The following CATSPERT variants were observed in gnomAD, a reference collection of about 807,000 sequenced individuals.
CATSPERT encodes the protein cation channel sperm-associated targeting subunit tau.
At chr2:201,491,906 T>A in the CATSPERT span, 1 of 1,536,924 alleles carries the variant, frequency 6.5e-7, no homozygotes, top group South Asian at 1.2e-5. Flanking sequence ...TGTTCTTTCC[T>A]TAGTTTCTTA....
the CATSPERT span, chr2:201,494,029 G>A: frequency 5.2e-6 from 8 of 1,535,700 alleles, no homozygotes; most frequent in Non-Finnish European, 7.0e-6. Context: ...TGAATCTGCA[G>A]GAATATTTTC....
chr2:201,506,959 A>G, the CATSPERT span, among the ~76,000 whole-genome samples: 2 of 152,238 alleles, frequency 1.3e-5, no homozygotes, highest in Non-Finnish European at 1.5e-5. Flanking sequence ...TGAGACACTA[A>G]TAGAATATTC....
the CATSPERT span, among the ~76,000 whole-genome samples, chr2:201,519,031 T>C: frequency 6.6e-6 from 1 of 152,190 alleles, no homozygotes; most frequent in Non-Finnish European, 1.5e-5. Flanking sequence ...CATTCAGATG[T>C]AGGAACAACC....
chr2:201,612,114 A>G, the CATSPERT span, among the ~76,000 whole-genome samples: 1 of 152,194 alleles, frequency 6.6e-6, no homozygotes, highest in Non-Finnish European at 1.5e-5. Flanking sequence ...TGTGCTAAGC[A>G]CTTTATATCA....
the CATSPERT span, among the ~76,000 whole-genome samples, chr2:201,507,882 G>C: frequency 6.6e-6 from 1 of 152,060 alleles, no homozygotes; most frequent in Non-Finnish European, 1.5e-5. Flanking sequence ...CAAGCAAAGG[G>C]GGAAGTGTCA....
chr2:201,562,360 T>C, the CATSPERT span, among the ~76,000 whole-genome samples: 1 of 151,588 alleles, frequency 6.6e-6, no homozygotes, highest in African/African-American at 2.4e-5. Flanking sequence ...GCTAATTTTT[T>C]GTATTTTTAG....
At chr2:201,589,910 GA>G in the CATSPERT span, among the ~76,000 whole-genome samples, 3 of 151,734 alleles carry the variant, frequency 2.0e-5, no homozygotes, top group East Asian at 5.8e-4. Flanking sequence ...AAATTTACAA[GA>G]AAAAAACAAA....
the CATSPERT span, chr2:201,553,979 C>T: frequency 2.6e-5 from 4 of 152,166 alleles, no homozygotes; most frequent in Admixed American, 2.0e-4. Context: ...GCATTCTAGA[C>T]TTAGGCCTAA....
chr2:201,565,830 T>A, the CATSPERT span: 1 of 1,611,598 alleles, frequency 6.2e-7, no homozygotes, highest in East Asian at 2.2e-5. Flanking sequence ...GGTCTGGGGA[T>A]AAGAATGCTG....
chr2:201,570,685 G>T, the CATSPERT span, among the ~76,000 whole-genome samples: 1 of 151,994 alleles, frequency 6.6e-6, no homozygotes, highest in South Asian at 2.1e-4. Flanking sequence ...TCTTGCCCCT[G>T]CCAACTCCTC....
chr2:201,491,683 C>A, the CATSPERT span: 2 of 1,537,050 alleles, frequency 1.3e-6, no homozygotes, highest in Non-Finnish European at 1.7e-6. Context: ...ATTAGGAATT[C>A]TTGGATACGA....
At chr2:201,490,148 C>T in the CATSPERT span, among the ~76,000 whole-genome samples, 81 of 152,240 alleles carry the variant, frequency 5.3e-4, 1 homozygote, top group Admixed American at 4.6e-3. Context: ...TGAGCCACCG[C>T]GCCTGGCCTC....
At chr2:201,526,724 T>C in the CATSPERT span, among the ~76,000 whole-genome samples, 1 of 152,138 alleles carries the variant, frequency 6.6e-6, no homozygotes, top group Non-Finnish European at 1.5e-5. Context: ...CATCCCTGCA[T>C]GTCAAAAACT....
chr2:201,561,417 T>G, the CATSPERT span, among the ~76,000 whole-genome samples: 1 of 152,172 alleles, frequency 6.6e-6, no homozygotes, highest in Non-Finnish European at 1.5e-5. Flanking sequence ...GTAGTTAACT[T>G]CTGGGAAACA....
At chr2:201,491,228 G>T in the CATSPERT span, 5 of 1,537,728 alleles carry the variant, frequency 3.3e-6, no homozygotes, top group East Asian at 1.2e-4. Context: ...TTCTTTAGGT[G>T]AATTCTTGTG....
At chr2:201,589,196 A>G in the CATSPERT span, among the ~76,000 whole-genome samples, 3 of 152,190 alleles carry the variant, frequency 2.0e-5, no homozygotes, top group Non-Finnish European at 4.4e-5. Context: ...AAATTTATAG[A>G]TTCAATGCTA....
the CATSPERT span, among the ~76,000 whole-genome samples, chr2:201,551,686 T>C: frequency 6.6e-6 from 1 of 152,128 alleles, no homozygotes; most frequent in East Asian, 1.9e-4. Context: ...ATGCATGTCA[T>C]TGTAAAAAGT....
At chr2:201,550,626 T>C in the CATSPERT span, 4 of 152,172 alleles carry the variant, frequency 2.6e-5, no homozygotes, top group Non-Finnish European at 4.4e-5. Flanking sequence ...ATTGCCTAAT[T>C]AGTAATCGAC....
the CATSPERT span, among the ~76,000 whole-genome samples, chr2:201,488,531 A>ATT: frequency 6.6e-6 from 1 of 152,258 alleles, no homozygotes; most frequent in East Asian, 1.9e-4. Flanking sequence ...GGAAGGATAT[A>ATT]TACCATAGTA....
Sources: allele counts gnomAD v4.1 joint callset (sites outside exome capture counted in the v4.1 genomes callset), GRCh38; gene constraint gnomAD v4.1.1; transcripts MANE v1.5; gene names NCBI Gene and HGNC (gene_info 2026-07-23, HGNC 2026-07-21).